Variants in CALN1 observed in about 807,000 individuals in gnomAD.
CALN1 encodes calcium-binding protein 8.
Under a neutral mutation model 30.6 loss-of-function variants are expected in CALN1, and 17 were observed. The ratio of observed to expected loss-of-function variants is 0.56; its 90% CI spans 0.38 to 0.83. The LOEUF is 0.83. Ranked by LOEUF, CALN1 falls within the 40% of genes least tolerant of loss-of-function variation. The pLI, the probability that CALN1 is intolerant of heterozygous loss-of-function variation, is 0.00. For synonymous variants in CALN1, 156 were observed against 131.4 expected, an observed-to-expected ratio of 1.19 and a Z score of -1.28; for missense variants, 291 against 354.9, an observed-to-expected ratio of 0.82 and a Z score of 1.45.
chr7:72,456,607 T>A, the CALN1 span, among the ~76,000 whole-genome samples: 1 of 152,016 alleles, frequency 6.6e-6, no homozygotes, highest in South Asian at 2.1e-4. Context: ...GTCCCAGCAC[T>A]TTGGAAGGCC....
intron 4 of CALN1, among the ~76,000 whole-genome samples, chr7:72,095,256 G>A (rs844718): frequency 1.2e-4 from 18 of 152,058 alleles, no homozygotes; most frequent in Admixed American, 1.2e-3. Context: ...TAAATAAAGT[G>A]CTTAGAACAG....
chr7:71,892,925 GTC>G (rs1436231752), intron 5 of CALN1, among the ~76,000 whole-genome samples: 4 of 152,092 alleles, frequency 2.6e-5, no homozygotes, highest in Middle Eastern at 3.4e-3. Flanking sequence ...TTGTCTGCAT[GTC>G]CTAGCTTTTA....
chr7:72,173,211 T>A (rs1346953101), intron 3 of CALN1, among the ~76,000 whole-genome samples: 1 of 151,724 alleles, frequency 6.6e-6, no homozygotes, highest in African/African-American at 2.4e-5. Context: ...TGCAGTAGTA[T>A]TAAAAAAAGA....
chr7:71,959,038 T>C (rs907368782), intron 5 of CALN1, among the ~76,000 whole-genome samples: 52 of 152,330 alleles, frequency 3.4e-4, no homozygotes, highest in African/African-American at 1.2e-3. Flanking sequence ...TTATAAAAGA[T>C]AGGCATAGGC....
At chr7:71,803,917 C>G (rs1357576487) in intron 6 of CALN1, among the ~76,000 whole-genome samples, 1 of 148,284 alleles carries the variant, frequency 6.7e-6, no homozygotes, top group East Asian at 2.0e-4. Context: ...GACTGGCTAA[C>G]TGGAGGGGCT....
chr7:72,129,667 T>C (rs192998364), intron 3 of CALN1, among the ~76,000 whole-genome samples: 1 of 152,248 alleles, frequency 6.6e-6, no homozygotes, highest in African/African-American at 2.4e-5. Flanking sequence ...GCTAGGAGTG[T>C]AAATAAAAAT....
chr7:72,394,219 T>A (rs1331635769), intron 2 of CALN1, among the ~76,000 whole-genome samples: 1 of 152,200 alleles, frequency 6.6e-6, no homozygotes, highest in East Asian at 1.9e-4. Context: ...ACTTCCTTTC[T>A]GTCACCTCCT....
chr7:71,807,173 G>A (rs959661031), intron 6 of CALN1, among the ~76,000 whole-genome samples: 3 of 152,146 alleles, frequency 2.0e-5, no homozygotes, highest in Non-Finnish European at 4.4e-5. Flanking sequence ...TGTGCAATCA[G>A]GTCTTGATAG....
intron 5 of CALN1, among the ~76,000 whole-genome samples, chr7:71,827,194 C>G (rs952798064): frequency 1.3e-5 from 2 of 152,156 alleles, no homozygotes; most frequent in African/African-American, 2.4e-5. Context: ...ATACAGACAG[C>G]TTGTCTGGGA....
chr7:72,123,814 C>T (rs1808559539), intron 3 of CALN1, among the ~76,000 whole-genome samples: 1 of 152,210 alleles, frequency 6.6e-6, no homozygotes, highest in Non-Finnish European at 1.5e-5. Flanking sequence ...AAGCAATTTA[C>T]TTGCTTAAAA....
rs115657201 is a variant in CALN1, at chr7:71,813,146, G to A, written c.502-2654C>T. ...GTATTTTTAGTAGAGACAGGGTCTGGCTATGTTGCCTGCCTCAGACTCCCA... is the reference window on the plus strand; with the variant it reads ...GTATTTTTAGTAGAGACAGGGTCTGACTATGTTGCCTGCCTCAGACTCCCA... On this transcript the variant is annotated intron_variant, in intron 5 of 6. Coordinates refer to ENST00000395275, the MANE Select transcript of CALN1 (RefSeq NM_031468.4). Among the ~76,000 whole-genome samples, 725 of 151,742 alleles carry A rather than the reference G, an allele frequency of 4.8e-3. 4 individuals are homozygous for A. The highest frequency in any genetic ancestry group is 0.017 in the African/African-American group (682 of 41,330).
intron 6 of CALN1, among the ~76,000 whole-genome samples, chr7:71,796,386 G>A (rs1434874467): frequency 6.9e-6 from 1 of 144,422 alleles, no homozygotes; most frequent in Non-Finnish European, 1.5e-5. Context: ...TTGAGACGGA[G>A]TCTCACACTG....
In CALN1 at chr7:71,984,661, G is replaced by A. The variant is rs543248140; in HGVS notation, c.501+38996C>T. Among the ~76,000 whole-genome samples, 3 of 152,266 alleles carry A rather than the reference G, an allele frequency of 2.0e-5. No individual in the cohort carries two copies. In the South Asian group the frequency reaches 6.2e-4, roughly 32 times the overall value. ...TACAGGAGACCCATGGCAGGGGCTG[G>A]TACCCTTCTGGAGAGATATGGGAGA... On this transcript the variant is annotated intron_variant, in intron 5 of 6. Coordinates refer to ENST00000395275, the MANE Select transcript of CALN1 (RefSeq NM_031468.4).
chr7:72,126,000 C>T (rs1808736529), intron 3 of CALN1, among the ~76,000 whole-genome samples: 1 of 151,992 alleles, frequency 6.6e-6, no homozygotes, highest in African/African-American at 2.4e-5. Context: ...GAGGTTTCAC[C>T]ATGTTGACCA....
chr7:71,959,902 G>C (rs1319675664), intron 5 of CALN1, among the ~76,000 whole-genome samples: 1 of 152,100 alleles, frequency 6.6e-6, no homozygotes, highest in Non-Finnish European at 1.5e-5. Flanking sequence ...GGGAGGCCGA[G>C]GCGGGCAGAT....
At chr7:72,223,331 G>GA in intron 3 of CALN1, among the ~76,000 whole-genome samples, 1 of 152,226 alleles carries the variant, frequency 6.6e-6, no homozygotes, top group African/African-American at 2.4e-5. Flanking sequence ...CTGGAGGAGG[G>GA]AAAATACAAA....
At chr7:71,801,376 TTATGTATG>T (rs575924113) in intron 6 of CALN1, among the ~76,000 whole-genome samples, 3,314 of 121,476 alleles carry the variant, frequency 0.027, 83 homozygotes, top group East Asian at 0.061. Context: ...CCATGCCTGG[TTATGTATG>T]TATGTATGTA....
At chr7:72,191,392 A>G (rs1264473967) in intron 3 of CALN1, among the ~76,000 whole-genome samples, 1 of 152,044 alleles carries the variant, frequency 6.6e-6, no homozygotes, top group East Asian at 1.9e-4. Context: ...ACTTTAGGTC[A>G]GGAGTTCGAG....
intron 5 of CALN1, among the ~76,000 whole-genome samples, chr7:71,854,539 T>C (rs10950282): frequency 0.32 from 48,515 of 152,170 alleles, 8,451 homozygotes; most frequent in South Asian, 0.48. Context: ...TGTGGTTACA[T>C]GCATGTTTGT....
Sources: allele counts gnomAD v4.1 joint callset (sites outside exome capture counted in the v4.1 genomes callset), GRCh38; gene constraint gnomAD v4.1.1; transcripts MANE v1.5; gene names NCBI Gene and HGNC (gene_info 2026-07-23, HGNC 2026-07-21).